Variants in TSPAN15 observed in about 807,000 individuals in gnomAD.
The protein encoded by TSPAN15 is tetraspanin-15.
In TSPAN15, 20 loss-of-function variants were observed where a neutral mutation model predicts 34.5. The ratio of observed to expected loss-of-function variants is 0.58; its 90% CI spans 0.41 to 0.84. The LOEUF (loss-of-function observed/expected upper bound fraction) is 0.84. TSPAN15 is among the 40% of genes least tolerant of loss of function. The pLI, the probability that TSPAN15 is intolerant of heterozygous loss-of-function variation, is 0.00. For missense variants in TSPAN15, 313 were observed against 386.1 expected, an observed-to-expected ratio of 0.81 and a Z score of 1.59; for synonymous variants, 155 against 153.9, an observed-to-expected ratio of 1.01 and a Z score of -0.05.
chr10:69,502,705 C>T (rs1370432165), intron 5 of TSPAN15, among the ~76,000 whole-genome samples: 1 of 152,092 alleles, frequency 6.6e-6, no homozygotes, highest in Non-Finnish European at 1.5e-5. Flanking sequence ...TGGTGAGGGG[C>T]TCTCCTGGCA....
Position 69,506,163 on chromosome 10 carries a change from A to G in TSPAN15, c.658A>G (p.Thr220Ala). 6.2e-7 allele frequency: 1 copy of G among 1,614,190 alleles called. No homozygotes were observed. The highest frequency in any genetic ancestry group is 2.2e-5 in the East Asian group (1 of 44,886). ...VQDVIYVRGC[T>A]NAVIIWFMDN... is the part of the protein sequence containing the mutation. ...GGATGTCATCTACGTGCGGGGCTGC[A>G]CCAACGCCGTGATCATCTGGTTCAT... The change falls in exon 7 of 8, where the codon ACC becomes GCC. Residue 220 changes from threonine (T) to alanine (A), a missense_variant. By Grantham distance (58) the Thr-to-Ala change is moderately conservative. Coordinates refer to ENST00000373290, the MANE Select transcript of TSPAN15 (RefSeq NM_012339.5). This position sits in a 1 kb window ranked among gnomAD's most constrained non-coding sequence, Gnocchi z 4.7.
chr10:69,528,380 C>G, the TSPAN15 span, among the ~76,000 whole-genome samples: 1 of 148,574 alleles, frequency 6.7e-6, no homozygotes, highest in Non-Finnish European at 1.5e-5. Flanking sequence ...GGCAGCAGCT[C>G]TTCTCTCCTC....
chr10:69,508,078 T>C (rs1227967), downstream of TSPAN15, among the ~76,000 whole-genome samples: 78,210 of 151,960 alleles, frequency 0.51, 20,841 homozygotes, highest in African/African-American at 0.63. Context: ...GTCAGTCCAC[T>C]CAAACCTTCG....
chr10:69,506,985 G>C lies in TSPAN15; in HGVS notation c.*7G>C. ...CTTGTGCTACCCCAATTAGGGCCCA[G>C]CCTGCCATGGCAGCTCCAACAAGGA... On this transcript the variant is annotated 3_prime_UTR_variant, in exon 8 of 8. Transcript: ENST00000373290. This position sits in a 1 kb window ranked among gnomAD's most constrained non-coding sequence, Gnocchi z 4.7. 1 of 1,606,388 alleles carries C rather than the reference G, an allele frequency of 6.2e-7. No homozygotes were observed.
At chr10:69,546,821 C>T in the TSPAN15 span, among the ~76,000 whole-genome samples, 1 of 152,084 alleles carries the variant, frequency 6.6e-6, no homozygotes, top group Admixed American at 6.6e-5. Context: ...GCCCTTCAAA[C>T]CCAGTCTCAC....
At chr10:69,529,454 C>T in the TSPAN15 span, among the ~76,000 whole-genome samples, 1 of 147,804 alleles carries the variant, frequency 6.8e-6, no homozygotes, top group South Asian at 2.1e-4. Context: ...GTTAGAAAAT[C>T]CATGACTTAG....
Position 69,473,609 on chromosome 10 carries a change from G to T in TSPAN15, c.97-10082G>T, listed in dbSNP as rs1841552559. ...CTCCCGGAGCAGTAGAGCAACCCTT[G>T]GGGTTGTCATGCCAACTGGGAAACT... On this transcript the variant is annotated intron_variant, in intron 1 of 7. Transcript: ENST00000373290. Among the ~76,000 whole-genome samples the T allele has an allele frequency of 2.0e-5, 3 of 152,234 alleles. No individual in the cohort carries two copies. The South Asian group carries it at 6.2e-4, about 32-fold the overall frequency.
chr10:69,532,433 G>A, the TSPAN15 span, among the ~76,000 whole-genome samples: 1 of 152,276 alleles, frequency 6.6e-6, no homozygotes, highest in East Asian at 1.9e-4. Context: ...ATGGGGAAAG[G>A]ACACCCTTTT....
chr10:69,479,357 C>T (rs1841683104), intron 1 of TSPAN15, among the ~76,000 whole-genome samples: 1 of 152,232 alleles, frequency 6.6e-6, no homozygotes, highest in South Asian at 2.1e-4. Context: ...AGCAGGGTTC[C>T]AGGATGCAGA....
chr10:69,505,703 C>T lies in TSPAN15; in HGVS notation c.619-421C>T, dbSNP rs116831043. On this transcript the variant is annotated intron_variant, in intron 6 of 7. Transcript: ENST00000373290. ...GACTGCAGGCACTGGCCACCATGCC[C>T]AACTCTGCTTTGTTTTTTATATGTA... Among the ~76,000 whole-genome samples the T allele has an allele frequency of 9.0e-3, 1,363 of 152,184 alleles. 17 individuals carry two copies. Among genetic ancestry groups the T allele is most frequent in the African/African-American group, 0.031 (1,304 of 41,508 alleles).
intron 1 of TSPAN15, among the ~76,000 whole-genome samples, chr10:69,472,184 C>T (rs59629007): frequency 0.062 from 9,409 of 152,166 alleles, 998 homozygotes; most frequent in African/African-American, 0.22. Flanking sequence ...CCCTGTTCGC[C>T]TCCCCTTCCC....
chr10:69,535,510 A>T, the TSPAN15 span, among the ~76,000 whole-genome samples: 1 of 152,252 alleles, frequency 6.6e-6, no homozygotes, highest in Non-Finnish European at 1.5e-5. Flanking sequence ...ATTAAAGGGA[A>T]AGAATCAAGC....
chr10:69,479,265 A>G (rs1035552380), intron 1 of TSPAN15, among the ~76,000 whole-genome samples: 3 of 152,202 alleles, frequency 2.0e-5, no homozygotes, highest in African/African-American at 7.2e-5. Flanking sequence ...TTCCTTCAGG[A>G]GGCACAGGTG....
In TSPAN15 at chr10:69,492,114, C is replaced by T. The variant is rs192948435; in HGVS notation, c.358-3480C>T. On this transcript the variant is annotated intron_variant, in intron 3 of 7. Transcript: ENST00000373290. ...GCTTAATTTAGCCTGGTTTTCTAGTCCTCACTGGAGCTGCCCCTGCTGGCA... is the reference window on the plus strand; with the variant it reads ...GCTTAATTTAGCCTGGTTTTCTAGTTCTCACTGGAGCTGCCCCTGCTGGCA... Among the ~76,000 whole-genome samples, 49 of 152,270 alleles carry T rather than the reference C, an allele frequency of 3.2e-4. 1 individual carries two copies. The highest frequency in any genetic ancestry group is 7.2e-4 in the Admixed American group (11 of 15,298).
At chr10:69,533,321 C>T in the TSPAN15 span, among the ~76,000 whole-genome samples, 11 of 151,686 alleles carry the variant, frequency 7.3e-5, no homozygotes, top group East Asian at 3.9e-4. Flanking sequence ...ATATATAAAA[C>T]GGAATACTAA....
the TSPAN15 span, among the ~76,000 whole-genome samples, chr10:69,532,508 T>C: frequency 1.3e-5 from 2 of 152,180 alleles, no homozygotes; most frequent in Non-Finnish European, 2.9e-5. Flanking sequence ...CCTTCATCTC[T>C]CACCTTATAC....
chr10:69,463,003 TCTC>T (rs1251661219), intron 1 of TSPAN15, among the ~76,000 whole-genome samples: 4 of 152,182 alleles, frequency 2.6e-5, no homozygotes, highest in African/African-American at 9.7e-5. Flanking sequence ...GGAGCTGGCT[TCTC>T]CTGCAGGGAA....
At chr10:69,515,758 G>A in the TSPAN15 span, among the ~76,000 whole-genome samples, 1 of 152,180 alleles carries the variant, frequency 6.6e-6, no homozygotes, top group Non-Finnish European at 1.5e-5. Flanking sequence ...CAGGCAGAAG[G>A]CACAAACGTT....
the TSPAN15 span, among the ~76,000 whole-genome samples, chr10:69,548,512 G>A: frequency 2.6e-5 from 4 of 152,324 alleles, no homozygotes; most frequent in South Asian, 6.2e-4. Flanking sequence ...TGAGAGAATG[G>A]AAACAAATGA....
Sources: allele counts gnomAD v4.1 joint callset (sites outside exome capture counted in the v4.1 genomes callset), GRCh38; gene constraint gnomAD v4.1.1; non-coding constraint Gnocchi (gnomAD v3.1); transcripts MANE v1.5; gene names NCBI Gene and HGNC (gene_info 2026-07-23, HGNC 2026-07-21).